Variants in MAN2A1 observed in about 807,000 individuals in gnomAD.
MAN2A1 encodes the protein alpha-mannosidase 2.
Under a neutral mutation model 142.6 loss-of-function variants are expected in MAN2A1, and 76 were observed. The ratio of observed to expected loss-of-function variants is 0.53; its 90% CI spans 0.44 to 0.65. The LOEUF (loss-of-function observed/expected upper bound fraction) is 0.65. Among genes scored for constraint, MAN2A1 ranks in the 30% least tolerant of loss-of-function variants. MAN2A1 has a pLI of 0.00. For missense variants in MAN2A1, 1,311 were observed against 1,365.1 expected (o/e 0.96, Z 0.62); for synonymous variants, 559 against 473.2 (o/e 1.18, Z -2.35).
chr5:109,788,132 A>G (rs1297571255), intron 10 of MAN2A1, among the ~76,000 whole-genome samples: 1 of 151,600 alleles, frequency 6.6e-6, no homozygotes, highest in Non-Finnish European at 1.5e-5. Flanking sequence ...AAACGTGATT[A>G]GCGAGGAGTT....
At position 109,784,844 on chromosome 5, in the gene MAN2A1, A is replaced by G. The variant is rs1217242313; in HGVS notation, c.1678A>G (p.Arg560Gly). The G allele has an allele frequency of 6.2e-7, 1 of 1,613,184 alleles. No individual in the cohort carries two copies. Among genetic ancestry groups the G allele is most frequent in the Non-Finnish European group, 8.5e-7 (1 of 1,179,492 alleles). ...ACTTTACACGGCACTGACAGAAGCC[A>G]GAAGGAATTTGGGACTGTTTCAACA... ...SSLYTALTEA[R>G]RNLGLFQHHD... Residue 560 changes from arginine to glycine, a missense_variant, in exon 10 of 22, where the codon AGA becomes GGA. Transcript: ENST00000261483.
chr5:109,835,080 C>T (rs1275083342), intron 16 of MAN2A1, among the ~76,000 whole-genome samples: 1 of 151,908 alleles, frequency 6.6e-6, no homozygotes, highest in Non-Finnish European at 1.5e-5. Context: ...GCATACTTAT[C>T]GAATTAAGCA....
In MAN2A1 at chr5:109,820,308, G is replaced by T; in HGVS notation, c.2417G>T (p.Gly806Val). The T allele has an allele frequency of 6.2e-7, 1 of 1,613,558 alleles. No homozygotes were observed. Among genetic ancestry groups the T allele is most frequent in the Non-Finnish European group, 8.5e-7 (1 of 1,179,662 alleles). The change falls in exon 15 of 22, where the codon GGT (glycine) becomes GTT (valine). Residue 806 changes from glycine (G) to valine (V), a missense_variant. Transcript: ENST00000261483. ...ACCACAATTAAAAGAGACAAAAGTGGTGCCTACCTCTTCTTACCTGATGGT... is the reference window on the plus strand; with the variant it reads ...ACCACAATTAAAAGAGACAAAAGTGTTGCCTACCTCTTCTTACCTGATGGT... ...YGTTIKRDKS[G>V]AYLFLPDGNA...
At chr5:109,789,589 G>T in intron 12 of MAN2A1, 62 bp downstream of exon 12, 1 of 1,169,268 alleles carries the variant, frequency 8.6e-7, no homozygotes, top group South Asian at 1.6e-5. Flanking sequence ...TTGGTTTTAT[G>T]GTTCTGGTTT....
chr5:109,819,974 A>AGTC (rs1427727511), intron 14 of MAN2A1, 87 bp downstream of exon 14: 9 of 980,922 alleles, frequency 9.2e-6, no homozygotes, highest in African/African-American at 3.3e-5. Context: ...AGGGGAAAAA[A>AGTC]GTCTTAAGTA....
chr5:109,808,525 T>G (rs2112708413), intron 12 of MAN2A1, among the ~76,000 whole-genome samples: 1 of 152,258 alleles, frequency 6.6e-6, no homozygotes, highest in Non-Finnish European at 1.5e-5. Context: ...TAATGGCTAT[T>G]AGTATTCTAG....
intron 8 of MAN2A1, among the ~76,000 whole-genome samples, chr5:109,778,468 T>C (rs1753355605): frequency 6.6e-6 from 1 of 152,124 alleles, no homozygotes; most frequent in Non-Finnish European, 1.5e-5. Flanking sequence ...TCATAATGTT[T>C]GCTGTAGAAT....
intron 4 of MAN2A1, among the ~76,000 whole-genome samples, chr5:109,752,996 T>C (rs1331784211): frequency 1.3e-5 from 2 of 152,218 alleles, no homozygotes; most frequent in African/African-American, 4.8e-5. Context: ...TGAAAAAAGT[T>C]CTATCATTGG....
At chr5:109,770,289 T>G in intron 6 of MAN2A1, 66 bp from the exon 7 acceptor site, 3 of 1,412,268 alleles carry the variant, frequency 2.1e-6, no homozygotes, top group Non-Finnish European at 3.0e-6. Context: ...AGTAATGACA[T>G]TTTGAATATT....
chr5:109,742,626 A>G (rs983678390), intron 4 of MAN2A1, among the ~76,000 whole-genome samples: 2 of 152,294 alleles, frequency 1.3e-5, no homozygotes, highest in South Asian at 4.1e-4. Context: ...TAAACAGACT[A>G]ATTCATTATA....
At chr5:109,837,357 A>G (rs1446560031) in intron 16 of MAN2A1, among the ~76,000 whole-genome samples, 2 of 151,834 alleles carry the variant, frequency 1.3e-5, no homozygotes, top group Non-Finnish European at 2.9e-5. Flanking sequence ...AGGATATCAG[A>G]TTTCAGTTCA....
At chr5:109,750,680 T>G (rs960544584) in intron 4 of MAN2A1, among the ~76,000 whole-genome samples, 2 of 152,102 alleles carry the variant, frequency 1.3e-5, no homozygotes, top group Non-Finnish European at 2.9e-5. Flanking sequence ...CTGAAAAACC[T>G]GTATGAGCAT....
At chr5:109,729,864 C>T (rs1421566130) in intron 4 of MAN2A1, among the ~76,000 whole-genome samples, 1 of 151,986 alleles carries the variant, frequency 6.6e-6, no homozygotes, top group Non-Finnish European at 1.5e-5. Context: ...GTGGTGCTCA[C>T]GCCTGTAATT....
intron 4 of MAN2A1, among the ~76,000 whole-genome samples, chr5:109,735,547 A>C (rs959865269): frequency 1.3e-5 from 2 of 151,964 alleles, no homozygotes; most frequent in Non-Finnish European, 2.9e-5. Context: ...TTCCTTCAGG[A>C]GCCCACTGTC....
intron 5 of MAN2A1, among the ~76,000 whole-genome samples, chr5:109,760,834 T>C (rs1242971377): frequency 6.6e-6 from 1 of 152,124 alleles, no homozygotes; most frequent in Non-Finnish European, 1.5e-5. Flanking sequence ...CCCTTTATCA[T>C]TTTTTATTGT....
intron 8 of MAN2A1, among the ~76,000 whole-genome samples, chr5:109,775,753 T>G (rs1036676692): frequency 2.6e-5 from 4 of 152,268 alleles, no homozygotes; most frequent in Admixed American, 2.0e-4. Flanking sequence ...AATACCATTA[T>G]CACACCTAAA....
At chr5:109,729,953 C>T (rs2112584570) in intron 4 of MAN2A1, among the ~76,000 whole-genome samples, 1 of 152,256 alleles carries the variant, frequency 6.6e-6, no homozygotes, top group East Asian at 1.9e-4. Context: ...TATAGTGCCA[C>T]TGCACTCCAG....
At chr5:109,793,542 A>G (rs1405903570) in intron 12 of MAN2A1, among the ~76,000 whole-genome samples, 2 of 152,132 alleles carry the variant, frequency 1.3e-5, no homozygotes, top group Non-Finnish European at 2.9e-5. Context: ...TATTCTCCTC[A>G]GGTGGTTCTT....
intron 14 of MAN2A1, 80 bp downstream of exon 14, chr5:109,819,967 G>T: frequency 1.9e-6 from 2 of 1,058,112 alleles, no homozygotes; most frequent in Non-Finnish European, 2.7e-6. Context: ...AGGCAAAAGG[G>T]GAAAAAAGTC....
Sources: allele counts gnomAD v4.1 joint callset (sites outside exome capture counted in the v4.1 genomes callset), GRCh38; gene constraint gnomAD v4.1.1; transcripts MANE v1.5; gene names NCBI Gene and HGNC (gene_info 2026-07-23, HGNC 2026-07-21).